The following PDZD2 variants were observed in gnomAD, a reference collection of about 807,000 sequenced individuals.
PDZD2 encodes the protein PDZ domain containing 2, also known as PDZ domain-containing protein 2.
A neutral mutation model predicts 220.7 loss-of-function variants in PDZD2; 90 were observed. That is an observed-to-expected ratio of 0.41 (90% CI 0.34 to 0.49). The LOEUF (loss-of-function observed/expected upper bound fraction) is 0.49, where lower values mean the gene tolerates loss of function less well. Ranked by LOEUF, PDZD2 falls within the 20% of genes least tolerant of loss-of-function variation. The pLI is 0.28. For missense variants in PDZD2, 3,174 were observed against 3,608.5 expected (o/e 0.88, Z 3.08); for synonymous variants, 1,375 against 1,450.5 (o/e 0.95, Z 1.18).
intron 2 of PDZD2, among the ~76,000 whole-genome samples, chr5:31,829,900 T>C (rs371850403): frequency 2.6e-5 from 4 of 151,676 alleles, no homozygotes; most frequent in East Asian, 4.0e-4. Flanking sequence ...TACAAAAAAT[T>C]AGCCGAGTGT....
intron 2 of PDZD2, among the ~76,000 whole-genome samples, chr5:31,939,182 G>A (rs1201925002): frequency 6.6e-6 from 1 of 152,156 alleles, no homozygotes; most frequent in African/African-American, 2.4e-5. Flanking sequence ...GGTTGTCAGA[G>A]CTGGGAGGGG....
chr5:31,798,188 C>T (rs1007546095), intron 1 of PDZD2, among the ~76,000 whole-genome samples: 3 of 152,152 alleles, frequency 2.0e-5, no homozygotes, highest in Admixed American at 6.5e-5. Context: ...CCTGTCTTCT[C>T]GCCCAGGCAT....
chr5:32,037,379 A>C, intron 7 of PDZD2, 37 bp downstream of exon 7: 3 of 1,179,492 alleles, frequency 2.5e-6, no homozygotes, highest in Non-Finnish European at 3.8e-6. Context: ...CCTGTCTAGG[A>C]TGAGTTTTCA....
chr5:32,025,489 C>T lies in PDZD2; in HGVS notation c.1408-11742C>T, dbSNP rs184879093. 1.9e-4 allele frequency among the ~76,000 whole-genome samples: 28 copies of T among 149,832 alleles called. No individual in the cohort carries two copies. The East Asian group carries it at 5.6e-3, about 30-fold the overall frequency. On this transcript the variant is annotated intron_variant, in intron 6 of 24. Coordinates refer to ENST00000438447, the MANE Select transcript of PDZD2 (RefSeq NM_178140.4). ...GTGGTGAGCCAAGATCGCGCCATTGCACTCCAGCCTGGACAACAAGAGTGA... is the reference window on the plus strand; with the variant it reads ...GTGGTGAGCCAAGATCGCGCCATTGTACTCCAGCCTGGACAACAAGAGTGA...
At chr5:32,029,482 T>G (rs993664919) in intron 6 of PDZD2, among the ~76,000 whole-genome samples, 7 of 152,156 alleles carry the variant, frequency 4.6e-5, no homozygotes. Flanking sequence ...TTTTAGGATT[T>G]AACCCCAGTT....
At chr5:31,933,968 G>T (rs181309159) in intron 2 of PDZD2, among the ~76,000 whole-genome samples, 10 of 152,156 alleles carry the variant, frequency 6.6e-5, no homozygotes, top group Admixed American at 5.9e-4. Flanking sequence ...TACGTGGCTC[G>T]TTTTGTGAGT....
At chr5:32,043,622 ATTTTCT>A in intron 7 of PDZD2, among the ~76,000 whole-genome samples, 1 of 152,098 alleles carries the variant, frequency 6.6e-6, no homozygotes, top group South Asian at 2.1e-4. Context: ...TACCACTGTC[ATTTTCT>A]TTTTCTTTTT....
At chr5:31,789,784 G>A (rs1753594745) in intron 1 of PDZD2, among the ~76,000 whole-genome samples, 2 of 152,092 alleles carry the variant, frequency 1.3e-5, no homozygotes, top group African/African-American at 4.8e-5. Context: ...CGGGTGTGGT[G>A]GCGGGCGCCT....
At chr5:31,771,882 T>C (rs548408006) in intron 1 of PDZD2, among the ~76,000 whole-genome samples, 1 of 151,962 alleles carries the variant, frequency 6.6e-6, no homozygotes, top group East Asian at 1.9e-4. Context: ...ACCTATTAAA[T>C]GAGATAATTA....
chr5:32,060,375 T>A (rs559654826), intron 13 of PDZD2, among the ~76,000 whole-genome samples: 28 of 152,362 alleles, frequency 1.8e-4, no homozygotes, highest in Non-Finnish European at 3.8e-4. Flanking sequence ...TCTCTCCCTG[T>A]AATTTCCAGT....
chr5:32,055,649 AG>A (rs1739023895), intron 10 of PDZD2, among the ~76,000 whole-genome samples: 1 of 152,190 alleles, frequency 6.6e-6, no homozygotes, highest in Non-Finnish European at 1.5e-5. Context: ...CCTAAACTTC[AG>A]GTGCTTTTGT....
Position 32,010,378 on chromosome 5 carries a change from G to A in PDZD2, c.1303G>A (p.Asp435Asn). The A allele has an allele frequency of 1.2e-6, 2 of 1,612,710 alleles. No homozygotes were observed. The highest frequency in any genetic ancestry group is 1.7e-6 in the Non-Finnish European group (2 of 1,178,806). Residue 435 changes from aspartate to asparagine, a missense_variant, in exon 6 of 25, where the codon GAT (aspartate) becomes AAT (asparagine). This residue lies in a region of PDZD2 where 632 missense variants were observed against 708.1 expected (regional missense o/e 0.89). Coordinates refer to ENST00000438447, the MANE Select transcript of PDZD2 (RefSeq NM_178140.4). ...LLRLTSKSLP[D>N]LTSSVEDVSS... The stretch of plus-strand genomic sequence containing the variant: ...CAGGTTAACATCTAAGAGCTTGCCA[G>A]ATCTGACCAGCTCGGTAGAAGATGT...
intron 2 of PDZD2, among the ~76,000 whole-genome samples, chr5:31,969,555 A>G (rs1290988304): frequency 2.0e-5 from 3 of 148,220 alleles, no homozygotes; most frequent in Non-Finnish European, 4.5e-5. Context: ...TGTTCTCACA[A>G]ATTGAGATTT....
At chr5:31,817,444 G>A (rs896944321) in intron 2 of PDZD2, among the ~76,000 whole-genome samples, 6 of 151,384 alleles carry the variant, frequency 4.0e-5, no homozygotes, top group South Asian at 4.2e-4. Flanking sequence ...AGTGAGCTGC[G>A]ACTGCACCAC....
At chr5:31,978,800 C>T (rs1406854702) in intron 2 of PDZD2, among the ~76,000 whole-genome samples, 1 of 151,954 alleles carries the variant, frequency 6.6e-6, no homozygotes, top group Non-Finnish European at 1.5e-5. Context: ...TCATTCATTG[C>T]CCTTTGTCTG....
intron 1 of PDZD2, among the ~76,000 whole-genome samples, chr5:31,784,125 C>A (rs1033764707): frequency 2.0e-5 from 3 of 152,136 alleles, no homozygotes; most frequent in Admixed American, 1.3e-4. Flanking sequence ...CCCGGCTTTG[C>A]TTGTGACTTT....
intron 1 of PDZD2, among the ~76,000 whole-genome samples, chr5:31,780,999 T>TG (rs1457493726): frequency 6.6e-6 from 1 of 152,208 alleles, no homozygotes; most frequent in African/African-American, 2.4e-5. Context: ...TTGGGTCACC[T>TG]GCTCATTCCT....
intron 2 of PDZD2, among the ~76,000 whole-genome samples, chr5:31,915,581 A>G (rs1032208850): frequency 7.2e-5 from 11 of 152,216 alleles, no homozygotes; most frequent in Non-Finnish European, 1.6e-4. Context: ...AAGGCGGGCA[A>G]GCTTACCATT....
intron 1 of PDZD2, chr5:31,725,964 T>C (rs977738054): frequency 1.2e-5 from 7 of 598,758 alleles, no homozygotes; most frequent in South Asian, 9.6e-5. Context: ...TAACAGATGA[T>C]GAAATAGGCA....
Sources: gnomAD v4.1 joint callset for allele counts (sites outside exome capture counted in the v4.1 genomes callset) on GRCh38, gnomAD v4.1.1 for gene constraint, gnomAD v4.1.1 regional missense constraint, MANE v1.5 for transcripts, NCBI Gene and HGNC (gene_info 2026-07-23, HGNC 2026-07-21) for gene names.